NAV2: variants seen among roughly 807,000 people sequenced by gnomAD.
The protein encoded by NAV2 is neuron navigator 2.
In NAV2, 54 loss-of-function variants were observed where a neutral mutation model predicts 223.2. That is an observed-to-expected ratio of 0.24 (90% confidence interval 0.19 to 0.30). The LOEUF (loss-of-function observed/expected upper bound fraction) is 0.30. Among genes scored for constraint, NAV2 ranks in the 10% least tolerant of loss-of-function variants. NAV2 has a pLI of 1.00. For missense variants in NAV2, 2,806 were observed against 3,147.5 expected, an observed-to-expected ratio of 0.89 and a Z score of 2.60; for synonymous variants, 1,279 against 1,239.3, an observed-to-expected ratio of 1.03 and a Z score of -0.67.
At chr11:20,028,853 T>C (rs1457436178) in intron 11 of NAV2, among the ~76,000 whole-genome samples, 4 of 152,212 alleles carry the variant, frequency 2.6e-5, no homozygotes, top group Non-Finnish European at 5.9e-5. Flanking sequence ...TCAGACACTC[T>C]ATTGTGAGTT....
At position 19,374,415 on chromosome 11, in the gene NAV2, G is replaced by A. The variant is rs996665344; in HGVS notation, c.75+23388G>A. 2.6e-5 allele frequency among the ~76,000 whole-genome samples: 4 copies of A among 151,578 alleles called. No individual in the cohort carries two copies. The East Asian group carries it at 7.7e-4, about 29-fold the overall frequency. ...GATAGTGCCTGGCACTTGGTTGCAGGGTGAGCTATCAGTGAGTTGACTGGA... is the reference window on the plus strand; with the variant it reads ...GATAGTGCCTGGCACTTGGTTGCAGAGTGAGCTATCAGTGAGTTGACTGGA... On this transcript the variant is annotated intron_variant, in intron 1 of 37. Transcript: ENST00000360655.
intron 3 of NAV2, among the ~76,000 whole-genome samples, chr11:19,852,369 A>G (rs2152980659): frequency 6.6e-6 from 1 of 152,348 alleles, no homozygotes; most frequent in African/African-American, 2.4e-5. Context: ...AGAACCCTTC[A>G]GAATGGAGCT....
chr11:19,878,446 T>C (rs935995697), intron 4 of NAV2, among the ~76,000 whole-genome samples: 5 of 152,192 alleles, frequency 3.3e-5, no homozygotes, highest in African/African-American at 2.4e-5. Context: ...ATTGCCCTTT[T>C]ACTGAGGCCC....
intron 1 of NAV2, among the ~76,000 whole-genome samples, chr11:19,455,453 A>G (rs1211789258): frequency 6.6e-6 from 1 of 152,178 alleles, no homozygotes; most frequent in Non-Finnish European, 1.5e-5. Flanking sequence ...AATTCCATTC[A>G]TAGTATTTGC....
intron 1 of NAV2, among the ~76,000 whole-genome samples, chr11:19,477,146 A>T (rs561010941): frequency 6.6e-6 from 1 of 152,314 alleles, no homozygotes. Context: ...TTCCCAAGGT[A>T]AAGTCAGGTT....
At chr11:20,083,976 G>C (rs1223064190) in intron 26 of NAV2, among the ~76,000 whole-genome samples, 1 of 152,234 alleles carries the variant, frequency 6.6e-6, no homozygotes, top group East Asian at 1.9e-4. Flanking sequence ...CTTACCAGAT[G>C]GGTAGAGGGA....
intron 11 of NAV2, among the ~76,000 whole-genome samples, chr11:20,002,241 A>C (rs192390893): frequency 1.3e-5 from 2 of 152,308 alleles, no homozygotes; most frequent in Admixed American, 6.5e-5. Context: ...TTCAATGTGA[A>C]TTTGGGGCAT....
chr11:19,867,826 AT>A (rs1160707923), intron 3 of NAV2, among the ~76,000 whole-genome samples: 3 of 152,192 alleles, frequency 2.0e-5, no homozygotes, highest in Non-Finnish European at 4.4e-5. Context: ...AAAATGCCAA[AT>A]GTCAATAGGT....
At chr11:19,357,244 G>T (rs1853671970) in intron 1 of NAV2, among the ~76,000 whole-genome samples, 1 of 152,082 alleles carries the variant, frequency 6.6e-6, no homozygotes, top group Admixed American at 6.5e-5. Context: ...TATCCTATTG[G>T]TCTGTACTGT....
chr11:19,423,573 T>A (rs1276211625), intron 1 of NAV2, among the ~76,000 whole-genome samples: 1 of 152,258 alleles, frequency 6.6e-6, no homozygotes, highest in East Asian at 1.9e-4. Flanking sequence ...ATCTACTCTG[T>A]ACCATGTACA....
At chr11:19,850,755 A>C (rs905716372) in intron 3 of NAV2, among the ~76,000 whole-genome samples, 2 of 152,142 alleles carry the variant, frequency 1.3e-5, no homozygotes, top group Non-Finnish European at 2.9e-5. Context: ...TTAATTAAGC[A>C]CCCTCACAAC....
chr11:19,860,005 C>T (rs538809109), intron 3 of NAV2, among the ~76,000 whole-genome samples: 3 of 125,336 alleles, frequency 2.4e-5, no homozygotes, highest in African/African-American at 6.1e-5. Context: ...GCTGACCCCC[C>T]CTCCCTCCCG....
chr11:19,999,993 C>G (rs148891643), intron 11 of NAV2, among the ~76,000 whole-genome samples: 1 of 152,370 alleles, frequency 6.6e-6, no homozygotes, highest in African/African-American at 2.4e-5. Flanking sequence ...ACCGTGGCCA[C>G]TGGCCTGTGT....
chr11:19,897,062 G>T (rs1011272353), intron 6 of NAV2, among the ~76,000 whole-genome samples: 1 of 151,996 alleles, frequency 6.6e-6, no homozygotes, highest in Non-Finnish European at 1.5e-5. Context: ...CATAAAAAAT[G>T]ATGAGTTCAT....
At chr11:20,043,354 T>C (rs745608343) in intron 12 of NAV2, among the ~76,000 whole-genome samples, 52 of 152,302 alleles carry the variant, frequency 3.4e-4, no homozygotes, top group South Asian at 2.1e-4. Context: ...TCCCACTGCA[T>C]CTCCATCTGC....
Position 20,102,942 on chromosome 11 carries a change from G to A in NAV2, c.6418-313G>A, listed in dbSNP as rs117849265. Among the ~76,000 whole-genome samples the A allele has an allele frequency of 5.3e-5, 8 of 152,270 alleles. No individual in the cohort carries two copies. The East Asian group carries it at 1.5e-3, about 29-fold the overall frequency. ...CTGCTCTGATGTGTAGAGGGCTTCT[G>A]TGTATGTAGCTCTCAGGCTACACAC... On this transcript the variant is annotated intron_variant, in intron 32 of 37. Coordinates refer to ENST00000349880, the MANE Select transcript of NAV2 (RefSeq NM_145117.5).
chr11:19,994,317 C>T (rs2051644229), intron 11 of NAV2, among the ~76,000 whole-genome samples: 1 of 152,148 alleles, frequency 6.6e-6, no homozygotes, highest in African/African-American at 2.4e-5. Flanking sequence ...GAGGCTGAGG[C>T]AGACGGATCA....
rs529202028 is a variant in NAV2 at position 19,824,298 on chromosome 11, C to T, written c.268-8186C>T. On this transcript the variant is annotated intron_variant, in intron 1 of 37. Transcript: ENST00000349880. ...AGAGTTCAACCCTGGTCCACACCTACACCTGAGACTGTAGACACTTGCCTT... is the reference window on the plus strand; with the variant it reads ...AGAGTTCAACCCTGGTCCACACCTATACCTGAGACTGTAGACACTTGCCTT... 8.5e-5 allele frequency among the ~76,000 whole-genome samples: 13 copies of T among 152,326 alleles called. No homozygotes were observed. In the South Asian group the frequency reaches 2.5e-3, roughly 29 times the overall value.
chr11:19,382,604 A>AAGTTTC (rs1297989308), intron 1 of NAV2, among the ~76,000 whole-genome samples: 1 of 152,178 alleles, frequency 6.6e-6, no homozygotes, highest in Non-Finnish European at 1.5e-5. Flanking sequence ...CTGCGGCCCG[A>AAGTTTC]AGTCTAATGA....
Sources: gnomAD v4.1 joint callset for allele counts (sites outside exome capture counted in the v4.1 genomes callset) on GRCh38, gnomAD v4.1.1 for gene constraint, MANE v1.5 for transcripts, NCBI Gene and HGNC (gene_info 2026-07-23, HGNC 2026-07-21) for gene names.